The following FLT1 variants were observed in gnomAD, a reference collection of about 807,000 sequenced individuals.
FLT1 encodes the protein vascular endothelial growth factor receptor 1.
In FLT1, 49 loss-of-function variants were observed where a neutral mutation model predicts 156.3. The observed-to-expected ratio is 0.31, with a 90% confidence interval of 0.25 to 0.40. The LOEUF is 0.40. Among genes scored for constraint, FLT1 ranks in the 10% least tolerant of loss-of-function variants. The pLI is 1.00. For synonymous variants in FLT1, 594 were observed against 583.8 expected (o/e 1.02, Z -0.25); for missense variants, 1,322 against 1,637.2 (o/e 0.81, Z 3.32).
intron 13 of FLT1, chr13:28,387,522 A>G: frequency 1.9e-6 from 2 of 1,061,930 alleles, no homozygotes; most frequent in Non-Finnish European, 2.3e-6. Flanking sequence ...TCTGCTGGTT[A>G]TCAGTAGCCA....
intron 14 of FLT1, among the ~76,000 whole-genome samples, chr13:28,374,396 CAG>C (rs1873751713): frequency 2.0e-5 from 3 of 151,894 alleles, no homozygotes; most frequent in Admixed American, 1.3e-4. Flanking sequence ...GCCTGGGAAA[CAG>C]AGCAAGACCA....
chr13:28,392,244 C>T (rs1593738550), intron 12 of FLT1, among the ~76,000 whole-genome samples: 1 of 152,160 alleles, frequency 6.6e-6, no homozygotes, highest in Non-Finnish European at 1.5e-5. Context: ...GAGAGGATAC[C>T]AGTGGAGGTT....
chr13:28,318,385 A>G (rs1871292173), intron 24 of FLT1, among the ~76,000 whole-genome samples: 1 of 152,078 alleles, frequency 6.6e-6, no homozygotes, highest in Non-Finnish European at 1.5e-5. Context: ...GCCTTCTGCC[A>G]GCTTTACTGC....
intron 2 of FLT1, 126 bp from the exon 3 acceptor site, chr13:28,467,255 C>T (rs61763169): frequency 4.5e-4 from 356 of 789,986 alleles, no homozygotes; most frequent in Middle Eastern, 7.5e-4. Flanking sequence ...TTCCTCTTTA[C>T]GGGAAAGCAA....
intron 1 of FLT1, among the ~76,000 whole-genome samples, chr13:28,470,985 C>T (rs536389619): frequency 2.0e-5 from 3 of 152,164 alleles, no homozygotes; most frequent in South Asian, 2.1e-4. Flanking sequence ...GCCACCGCGC[C>T]GCGCAAGAAG....
intron 12 of FLT1, among the ~76,000 whole-genome samples, chr13:28,393,115 T>A (rs990917893): frequency 6.6e-6 from 1 of 152,060 alleles, no homozygotes; most frequent in Non-Finnish European, 1.5e-5. Context: ...TTCAGCACAG[T>A]CATCATCATT....
At chr13:28,362,452 A>T (rs1200895504) in intron 14 of FLT1, among the ~76,000 whole-genome samples, 2 of 152,338 alleles carry the variant, frequency 1.3e-5, no homozygotes, top group East Asian at 3.9e-4. Context: ...GCTACCTACA[A>T]TCATTACAAT....
At chr13:28,410,584 G>A (rs74043722) in intron 10 of FLT1, among the ~76,000 whole-genome samples, 1 of 152,210 alleles carries the variant, frequency 6.6e-6, no homozygotes, top group African/African-American at 2.4e-5. Flanking sequence ...TTTTTTAAAA[G>A]GATCCTCTTT....
chr13:28,345,686 G>T (rs1565979802), intron 15 of FLT1, 135 bp from the exon 16 acceptor site: 2 of 695,416 alleles, frequency 2.9e-6, no homozygotes, highest in Non-Finnish European at 5.2e-6. Flanking sequence ...CACAAAATCA[G>T]TCTCTGGGAC....
chr13:28,330,327 A>G (rs938390113), intron 18 of FLT1, among the ~76,000 whole-genome samples: 1 of 152,226 alleles, frequency 6.6e-6, no homozygotes, highest in African/African-American at 2.4e-5. Context: ...GAATTAGCAG[A>G]GTCTAAAGCC....
chr13:28,478,377 G>A (rs939496757), intron 1 of FLT1, among the ~76,000 whole-genome samples: 2 of 152,192 alleles, frequency 1.3e-5, no homozygotes, highest in African/African-American at 4.8e-5. Flanking sequence ...TTACTGTTCA[G>A]TGTCAAAGTT....
At chr13:28,410,425 C>G (rs1876092428) in intron 10 of FLT1, among the ~76,000 whole-genome samples, 2 of 152,200 alleles carry the variant, frequency 1.3e-5, no homozygotes, top group African/African-American at 4.8e-5. Context: ...CTAGAAATTG[C>G]CCATCTGTTT....
At chr13:28,422,553 T>C (rs200875418) in intron 10 of FLT1, among the ~76,000 whole-genome samples, 1 of 152,304 alleles carries the variant, frequency 6.6e-6, no homozygotes, top group East Asian at 1.9e-4. Context: ...TAGAAACAGA[T>C]CTTTGTTTTA....
intron 14 of FLT1, among the ~76,000 whole-genome samples, chr13:28,381,837 G>A (rs1874091381): frequency 6.6e-6 from 1 of 152,152 alleles, no homozygotes; most frequent in East Asian, 1.9e-4. Flanking sequence ...CCACCCCCAT[G>A]CCAAATCGAG....
At position 28,331,224 on chromosome 13, in the gene FLT1, G is replaced by A. The variant is rs117353924; in HGVS notation, c.2594-1496C>T. ...TAGATACCAACATGGTATTTCATAA[G>A]CACAAATCATTTTTAATAATAACTA... On this transcript the variant is annotated intron_variant, in intron 18 of 29. Coordinates refer to ENST00000282397, the MANE Select transcript of FLT1 (RefSeq NM_002019.4). Among the ~76,000 whole-genome samples the A allele has an allele frequency of 9.4e-4, 143 of 152,312 alleles. 1 individual carries two copies. In the South Asian group the frequency reaches 0.022, roughly 23 times the overall value.
intron 1 of FLT1, among the ~76,000 whole-genome samples, chr13:28,485,249 A>T (rs913037029): frequency 1.3e-5 from 2 of 152,024 alleles, no homozygotes; most frequent in African/African-American, 4.8e-5. Context: ...GCACCTCCAG[A>T]AAAAGGTGCT....
Position 28,427,818 on chromosome 13 carries a change from T to A in FLT1, c.1210A>T (p.Thr404Ser), listed in dbSNP as rs2137539968. The A allele has an allele frequency of 6.2e-7, 1 of 1,613,872 alleles. No homozygotes were observed. The highest frequency in any genetic ancestry group is 8.5e-7 in the Non-Finnish European group (1 of 1,179,760). The part of the protein sequence containing the change: ...DVTEEDAGNY[T>S]ILLSIKQSNV... ...GACTGTTTTATGCTCAGCAAGATTG[T>A]ATAATTCCCTGCATCCTCTTCAGTT... is the stretch of plus-strand genomic sequence containing the variant. Residue 404 changes from threonine to serine, a missense_variant, in exon 9 of 30, where the codon ACA (threonine) becomes TCA (serine). Thr to Ser is a moderately conservative substitution (Grantham distance 58). Coordinates refer to ENST00000282397, the MANE Select transcript of FLT1 (RefSeq NM_002019.4).
chr13:28,405,135 A>G (rs1875706369), intron 11 of FLT1, among the ~76,000 whole-genome samples: 1 of 152,154 alleles, frequency 6.6e-6, no homozygotes, highest in Non-Finnish European at 1.5e-5. Context: ...TCTGAGATCC[A>G]CTGAGACTTG....
chr13:28,399,019 A>G, intron 11 of FLT1: 4 of 1,499,596 alleles, frequency 2.7e-6, no homozygotes, highest in Non-Finnish European at 2.7e-6. Context: ...ATTTCCTTGT[A>G]ATTGTTGTAC....
Sources: allele counts gnomAD v4.1 joint callset (sites outside exome capture counted in the v4.1 genomes callset), GRCh38; gene constraint gnomAD v4.1.1; transcripts MANE v1.5; gene names NCBI Gene and HGNC (gene_info 2026-07-23, HGNC 2026-07-21).